ARID2: variants seen among roughly 807,000 people sequenced by gnomAD.
ARID2 encodes AT-rich interactive domain-containing protein 2.
In ARID2, 32 loss-of-function variants were observed where a neutral mutation model predicts 184.6. That is an observed-to-expected ratio of 0.17 (90% CI 0.13 to 0.23). ARID2 has a LOEUF of 0.23. ARID2 is among the 10% of genes least tolerant of loss of function. The pLI is 1.00. For synonymous variants in ARID2, 836 were observed against 772.6 expected, an observed-to-expected ratio of 1.08 and a Z score of -1.36; for missense variants, 1,696 against 2,197.6, an observed-to-expected ratio of 0.77 and a Z score of 4.56.
At chr12:45,735,669 T>C (rs1460783499) in intron 3 of ARID2, among the ~76,000 whole-genome samples, 1 of 152,152 alleles carries the variant, frequency 6.6e-6, no homozygotes, top group Non-Finnish European at 1.5e-5. Flanking sequence ...TTTTCTGATA[T>C]TCTGTTACGT....
intron 16 of ARID2, among the ~76,000 whole-genome samples, chr12:45,877,939 GT>G (rs1328680206): frequency 7.2e-5 from 11 of 152,084 alleles, no homozygotes; most frequent in African/African-American, 2.4e-4. Flanking sequence ...CTCAGTTTTT[GT>G]TTGTCTGAGA....
rs1941593639 is a variant in ARID2 at position 45,757,597 on chromosome 12, G to A, written c.284+26283G>A. Among the ~76,000 whole-genome samples the A allele has an allele frequency of 2.0e-5, 3 of 152,314 alleles. No individual in the cohort carries two copies. The South Asian group carries it at 6.2e-4, about 32-fold the overall frequency. Reference sequence around the variant, plus strand: ...AGAGAGCTTGATTGAGAAAAAAGGAGAAGCCAAGTTTTAGTGGAATTTATT... The same window carrying A: ...AGAGAGCTTGATTGAGAAAAAAGGAAAAGCCAAGTTTTAGTGGAATTTATT... On this transcript the variant is annotated intron_variant, in intron 3 of 20. Coordinates refer to ENST00000334344, the MANE Select transcript of ARID2 (RefSeq NM_152641.4).
chr12:45,730,279 G>A (rs969302133), intron 2 of ARID2, 142 bp downstream of exon 2: 24 of 681,566 alleles, frequency 3.5e-5, no homozygotes, highest in Admixed American at 1.2e-4. Flanking sequence ...CGGTGGCACG[G>A]AGGCGGACGG....
rs146540437 is a variant in ARID2, at chr12:45,785,913, G to A, written c.285-25505G>A. Among the ~76,000 whole-genome samples the A allele has an allele frequency of 8.4e-3, 1,281 of 152,152 alleles. 15 individuals are homozygous for A. Among genetic ancestry groups the A allele is most frequent in the African/African-American group, 0.028 (1,152 of 41,486 alleles). On this transcript the variant is annotated intron_variant, in intron 3 of 20. Coordinates refer to ENST00000334344, the MANE Select transcript of ARID2 (RefSeq NM_152641.4). ...TGTAGGGCAGTGGTCCCCAACCTCT[G>A]GGCCATGGACCAGTAGTGGTCTGTG...
chr12:45,767,208 C>G (rs1941788006), intron 3 of ARID2, among the ~76,000 whole-genome samples: 1 of 152,120 alleles, frequency 6.6e-6, no homozygotes, highest in Non-Finnish European at 1.5e-5. Flanking sequence ...AGAGCCTGTT[C>G]AAGTCTTTTG....
Position 45,850,277 on chromosome 12 carries a change from T to A in ARID2, c.2154T>A (p.Val718=), listed in dbSNP as rs1232214393. The part of the protein sequence containing the change: ...PIPCEVVKAT[V]IQNSIPQTGV... ...CTTGTGAAGTTGTTAAGGCTACAGT[T>A]ATCCAGAATTCCATACCCCAGACAG... Residue 718 remains valine, a synonymous_variant, in exon 15 of 21, where the codon GTT becomes GTA. Coordinates refer to ENST00000334344, the MANE Select transcript of ARID2 (RefSeq NM_152641.4). 1 of 1,614,114 alleles carries A rather than the reference T, an allele frequency of 6.2e-7. No individual in the cohort carries two copies.
intron 14 of ARID2, 41 bp downstream of exon 14, chr12:45,849,817 A>G (rs746830103): frequency 6.4e-7 from 1 of 1,552,116 alleles, no homozygotes; most frequent in Non-Finnish European, 8.8e-7. Context: ...TACTGATTTA[A>G]TAATAAAACT....
At chr12:45,798,683 G>T (rs1374629390) in intron 3 of ARID2, among the ~76,000 whole-genome samples, 1 of 152,088 alleles carries the variant, frequency 6.6e-6, no homozygotes, top group Non-Finnish European at 1.5e-5. Flanking sequence ...ATTTTTGGTT[G>T]CTTAATATCT....
chr12:45,777,882 C>T (rs1942014725), intron 3 of ARID2, among the ~76,000 whole-genome samples: 1 of 150,552 alleles, frequency 6.6e-6, no homozygotes, highest in African/African-American at 2.4e-5. Flanking sequence ...TTTTAACAAA[C>T]TGGACTATTT....
At chr12:45,901,154 ATTTTTTTTTTTTTTT>A (rs71067909) in intron 20 of ARID2, among the ~76,000 whole-genome samples, 62 of 44,950 alleles carry the variant, frequency 1.4e-3, no homozygotes, top group Admixed American at 1.8e-3. Context: ...AATTTCCTTA[ATTTTTTTTTTTTTTT>A]TTTTTTTTTT....
intron 3 of ARID2, among the ~76,000 whole-genome samples, chr12:45,732,831 T>G (rs186959412): frequency 6.6e-6 from 1 of 152,296 alleles, no homozygotes; most frequent in African/African-American, 2.4e-5. Context: ...GAGATGTATA[T>G]TTTTCTGAAG....
In ARID2 at chr12:45,851,210, A is replaced by C. The variant is rs773518135; in HGVS notation, c.3087A>C (p.Gln1029His). 6.2e-7 allele frequency: 1 copy of C among 1,614,156 alleles called. No individual in the cohort carries two copies. Among genetic ancestry groups the C allele is most frequent in the Non-Finnish European group, 8.5e-7 (1 of 1,180,014 alleles). ...PAPPPQQVQV[Q>H]VQQPQQVQMQ... ...CCCCACCACAGCAGGTACAAGTACA[A>C]GTTCAGCAGCCCCAACAAGTACAGA... Residue 1029 changes from glutamine (Q) to histidine (H), a missense_variant, in exon 15 of 21, where the codon CAA becomes CAC. Coordinates refer to ENST00000334344, the MANE Select transcript of ARID2 (RefSeq NM_152641.4).
chr12:45,783,816 A>C (rs1032195503), intron 3 of ARID2, among the ~76,000 whole-genome samples: 4 of 152,216 alleles, frequency 2.6e-5, no homozygotes, highest in Admixed American at 2.0e-4. Flanking sequence ...TATTTTCATT[A>C]TAAATTACCC....
rs1048881951 is a variant in ARID2, at chr12:45,819,975, C to G, written c.638-1445C>G. On this transcript the variant is annotated intron_variant, in intron 5 of 20. Transcript: ENST00000334344. The stretch of plus-strand genomic sequence containing the variant: ...GCCAGGCCAATCTCAAACTCCTGTC[C>G]TCAAGTGATCTGCCCGCCTCGGCCT... Among the ~76,000 whole-genome samples, 3 of 151,986 alleles carry G rather than the reference C, an allele frequency of 2.0e-5. No homozygotes were observed. In the East Asian group the frequency reaches 5.8e-4, roughly 29 times the overall value.
At chr12:45,789,524 T>C (rs1208594917) in intron 3 of ARID2, 1 of 152,170 alleles carries the variant, frequency 6.6e-6, no homozygotes, top group African/African-American at 2.4e-5. Flanking sequence ...GAGGATAATA[T>C]GTATTCTGTA....
intron 3 of ARID2, among the ~76,000 whole-genome samples, chr12:45,788,365 A>G (rs1480578439): frequency 6.6e-6 from 1 of 152,186 alleles, no homozygotes; most frequent in Non-Finnish European, 1.5e-5. Context: ...ATCAAACCTC[A>G]AGATCATGTA....
intron 16 of ARID2, among the ~76,000 whole-genome samples, chr12:45,870,769 GTCT>G (rs1229773155): frequency 6.6e-6 from 1 of 151,944 alleles, no homozygotes; most frequent in Non-Finnish European, 1.5e-5. Context: ...TTTTCTCCAT[GTCT>G]TCTTATTGTT....
chr12:45,735,579 C>A (rs1941099288), intron 3 of ARID2, among the ~76,000 whole-genome samples: 1 of 151,784 alleles, frequency 6.6e-6, no homozygotes, highest in Non-Finnish European at 1.5e-5. Context: ...CCTCAGCCTT[C>A]CAAAGTGCTC....
At chr12:45,887,953 T>TA (rs1405912038) in intron 16 of ARID2, among the ~76,000 whole-genome samples, 2 of 152,114 alleles carry the variant, frequency 1.3e-5, no homozygotes, top group East Asian at 3.9e-4. Flanking sequence ...AGAAGAAAGT[T>TA]AAAGAAGCTA....
Sources: allele counts gnomAD v4.1 joint callset (sites outside exome capture counted in the v4.1 genomes callset), GRCh38; gene constraint gnomAD v4.1.1; transcripts MANE v1.5; gene names NCBI Gene and HGNC (gene_info 2026-07-23, HGNC 2026-07-21).